Variants in CAMK1D observed in about 807,000 individuals in gnomAD.
CAMK1D encodes the protein calcium/calmodulin dependent protein kinase ID.
CAMK1D carries 9 observed loss-of-function variants against 47.7 expected under a neutral mutation model. The ratio of observed to expected loss-of-function variants is 0.19; its 90% confidence interval spans 0.11 to 0.33. The LOEUF (loss-of-function observed/expected upper bound fraction) is 0.33, where lower values mean the gene tolerates loss of function less well. Ranked by LOEUF, CAMK1D falls within the 10% of genes least tolerant of loss-of-function variation. CAMK1D has a pLI of 1.00. For missense variants in CAMK1D, 291 were observed against 488.7 expected, an observed-to-expected ratio of 0.60 and a Z score of 3.81; for synonymous variants, 184 against 184.9, an observed-to-expected ratio of 0.99 and a Z score of 0.04.
At chr10:12,670,814 G>T (rs1564480607) in intron 3 of CAMK1D, among the ~76,000 whole-genome samples, 1 of 152,304 alleles carries the variant, frequency 6.6e-6, no homozygotes, top group South Asian at 2.1e-4. Context: ...TTCCCAAAGT[G>T]CTGGGATTAC....
intron 1 of CAMK1D, among the ~76,000 whole-genome samples, chr10:12,535,954 A>G (rs751403609): frequency 4.6e-5 from 7 of 152,176 alleles, no homozygotes; most frequent in Non-Finnish European, 8.8e-5. Context: ...CCTGGGCTTA[A>G]CAGTGTGGCT....
intron 1 of CAMK1D, among the ~76,000 whole-genome samples, chr10:12,532,301 A>G: frequency 6.8e-6 from 1 of 146,584 alleles, no homozygotes. Flanking sequence ...TTTTTTTGAG[A>G]CGGAGTCTCG....
intron 1 of CAMK1D, among the ~76,000 whole-genome samples, chr10:12,541,138 G>A (rs1020790680): frequency 2.0e-5 from 3 of 151,992 alleles, no homozygotes; most frequent in Non-Finnish European, 1.5e-5. Flanking sequence ...TGTTTGCTTG[G>A]CAGAACTTTA....
chr10:12,699,440 A>G (rs72771785), intron 3 of CAMK1D, among the ~76,000 whole-genome samples: 44,686 of 151,878 alleles, frequency 0.29, 7,276 homozygotes, highest in Middle Eastern at 0.43. Flanking sequence ...CAGGATCTTG[A>G]TCCTACTTGT....
intron 1 of CAMK1D, among the ~76,000 whole-genome samples, chr10:12,491,474 A>G (rs1472129857): frequency 3.9e-5 from 6 of 151,984 alleles, no homozygotes; most frequent in African/African-American, 1.5e-4. Flanking sequence ...AAATGTATAT[A>G]TATTTTTTTG....
chr10:12,446,616 G>C (rs1476689324), intron 1 of CAMK1D, among the ~76,000 whole-genome samples: 1 of 152,196 alleles, frequency 6.6e-6, no homozygotes, highest in African/African-American at 2.4e-5. Context: ...CCCTACTCAA[G>C]ATGGAGTTGA....
At chr10:12,653,388 A>G (rs7071404) in intron 2 of CAMK1D, among the ~76,000 whole-genome samples, 45,485 of 152,146 alleles carry the variant, frequency 0.3, 7,172 homozygotes, top group South Asian at 0.43. Context: ...ACTGATAGAG[A>G]TGATCAGAAA....
intron 6 of CAMK1D, among the ~76,000 whole-genome samples, chr10:12,802,565 G>C (rs1838530173): frequency 6.6e-6 from 1 of 152,136 alleles, no homozygotes; most frequent in African/African-American, 2.4e-5. Flanking sequence ...CTGTCACCCA[G>C]GCTGGAGTGC....
At chr10:12,425,338 A>G (rs1386948058) in intron 1 of CAMK1D, among the ~76,000 whole-genome samples, 3 of 147,292 alleles carry the variant, frequency 2.0e-5, no homozygotes, top group Non-Finnish European at 4.5e-5. Context: ...CTGGGGTGCA[A>G]TGGTGCAGTC....
At chr10:12,477,618 C>T (rs553173186) in intron 1 of CAMK1D, among the ~76,000 whole-genome samples, 21 of 152,162 alleles carry the variant, frequency 1.4e-4, no homozygotes, top group African/African-American at 2.4e-4. Context: ...AGAGACAGGA[C>T]GATGTGTGGT....
chr10:12,745,922 T>C (rs568082821), intron 3 of CAMK1D, among the ~76,000 whole-genome samples: 3 of 152,286 alleles, frequency 2.0e-5, no homozygotes, highest in Admixed American at 6.5e-5. Context: ...CTGACAACTT[T>C]CTTCCAGAAT....
At chr10:12,498,849 T>G (rs1834618794) in intron 1 of CAMK1D, among the ~76,000 whole-genome samples, 1 of 152,178 alleles carries the variant, frequency 6.6e-6, no homozygotes, top group Non-Finnish European at 1.5e-5. Flanking sequence ...ATTTAGTACT[T>G]TGCAGATGAA....
chr10:12,573,830 A>ATTTTTTTTTTTTT (rs1588648909), intron 2 of CAMK1D, among the ~76,000 whole-genome samples: 1 of 46,152 alleles, frequency 2.2e-5, no homozygotes, highest in African/African-American at 1.1e-4. Context: ...TATTAAAAAA[A>ATTTTTTTTTTTTT]CTTTTTTTTT....
At chr10:12,491,121 T>C (rs1361521823) in intron 1 of CAMK1D, among the ~76,000 whole-genome samples, 1 of 152,064 alleles carries the variant, frequency 6.6e-6, no homozygotes, top group East Asian at 2.0e-4. Context: ...CACTTGGTTG[T>C]AACTGCATCA....
At chr10:12,638,504 C>G (rs1036382088) in intron 2 of CAMK1D, among the ~76,000 whole-genome samples, 1 of 137,566 alleles carries the variant, frequency 7.3e-6, no homozygotes, top group Non-Finnish European at 1.7e-5. Flanking sequence ...ACCCCTCACT[C>G]TCTTTCCTTG....
At chr10:12,737,765 G>A (rs529493815) in intron 3 of CAMK1D, among the ~76,000 whole-genome samples, 9 of 152,124 alleles carry the variant, frequency 5.9e-5, no homozygotes, top group African/African-American at 9.7e-5. Context: ...TAAAGGGGAC[G>A]TGAGCTACAA....
intron 1 of CAMK1D, among the ~76,000 whole-genome samples, chr10:12,491,942 C>T (rs2768434): frequency 0.74 from 111,620 of 151,460 alleles, 41,518 homozygotes; most frequent in East Asian, 0.97. Context: ...ATCACCACCA[C>T]ACCTGGCTAA....
intron 1 of CAMK1D, among the ~76,000 whole-genome samples, chr10:12,485,379 C>G (rs964403771): frequency 1.3e-5 from 2 of 152,052 alleles, no homozygotes; most frequent in African/African-American, 4.8e-5. Context: ...TCCTCGTGCC[C>G]CCTGTCGTGG....
intron 6 of CAMK1D, among the ~76,000 whole-genome samples, chr10:12,813,183 G>A (rs928678701): frequency 2.0e-5 from 3 of 152,172 alleles, no homozygotes; most frequent in South Asian, 2.1e-4. Flanking sequence ...GGAAAAATGG[G>A]TAGTATTATG....
Sources: gnomAD v4.1 joint callset for allele counts (sites outside exome capture counted in the v4.1 genomes callset) on GRCh38, gnomAD v4.1.1 for gene constraint, MANE v1.5 for transcripts, NCBI Gene and HGNC (gene_info 2026-07-23, HGNC 2026-07-21) for gene names.